RPL7: variants seen among roughly 807,000 people sequenced by gnomAD.
RPL7 encodes the protein large ribosomal subunit protein uL30.
For synonymous variants in RPL7, 100 were observed against 102.2 expected, an observed-to-expected ratio of 0.98 and a Z score of 0.13; for missense variants, 205 against 301.9, an observed-to-expected ratio of 0.68 and a Z score of 2.38.
intron 5 of RPL7, 96 bp downstream of exon 5, chr8:73,291,456 A>C: frequency 1.0e-6 from 1 of 954,338 alleles, no homozygotes; most frequent in Non-Finnish European, 1.6e-6. Context: ...CATAGGGAAC[A>C]CATGAAGATT....
chr8:73,294,460 G>A (rs1814203203), upstream of RPL7: 1 of 153,542 alleles, frequency 6.5e-6, no homozygotes, highest in Admixed American at 6.5e-5. Context: ...CGGCTCCGCG[G>A]ACGGCTGGCG....
chr8:73,293,329 C>T (rs1814157338), intron 1 of RPL7: 1 of 487,082 alleles, frequency 2.1e-6, no homozygotes, highest in East Asian at 3.8e-5. Context: ...CCGAAAGACC[C>T]TCTACCGAGG....
chr8:73,293,079 A>C (rs545931404), intron 1 of RPL7: 20 of 328,752 alleles, frequency 6.1e-5, no homozygotes, highest in African/African-American at 4.2e-4. Flanking sequence ...AATTAAAAAA[A>C]AAAACAAAAA....
intron 2 of RPL7, 119 bp from the exon 3 acceptor site, chr8:73,292,524 T>C: frequency 9.0e-7 from 1 of 1,111,518 alleles, no homozygotes; most frequent in South Asian, 1.5e-5. Context: ...CAGTATGCAA[T>C]TACATCCCCC....
At chr8:73,293,424 G>C (rs1452177708) in intron 1 of RPL7, 175 bp downstream of exon 1, 7 of 739,744 alleles carry the variant, frequency 9.5e-6, no homozygotes, top group Non-Finnish European at 1.6e-5. Flanking sequence ...TCCGTCCTAA[G>C]ACCGCCCGCA....
chr8:73,292,568 T>G, intron 2 of RPL7, 121 bp downstream of exon 2: 1 of 1,011,134 alleles, frequency 9.9e-7, no homozygotes, highest in Non-Finnish European at 1.5e-6. Flanking sequence ...GATTGTAACA[T>G]TAGGTAGCTA....
intron 1 of RPL7, 95 bp from the exon 2 acceptor site, chr8:73,292,892 G>A: frequency 3.5e-6 from 3 of 868,138 alleles, no homozygotes; most frequent in Non-Finnish European, 3.6e-6. Context: ...CAGAAATGCT[G>A]TCACTGACTT....
At chr8:73,293,735 G>A (rs1472128360), upstream of RPL7, 17 of 1,273,132 alleles carry the variant, frequency 1.3e-5, no homozygotes, top group Non-Finnish European at 1.7e-5. Context: ...GAACTAAAAA[G>A]CCGCCTTGCA....
chr8:73,291,747 G>T, intron 4 of RPL7, 26 bp downstream of exon 4: 1 of 1,593,914 alleles, frequency 6.3e-7, no homozygotes, highest in Admixed American at 1.7e-5. Flanking sequence ...TTATCAAATA[G>T]AAATCAAAGG....
Position 73,292,418 on chromosome 8 carries a change from A to T in RPL7, c.124-13T>A, listed in dbSNP as rs2070764. On this transcript the variant is annotated splice_polypyrimidine_tract_variant and intron_variant, in intron 2 of 6. Coordinates refer to ENST00000352983, the MANE Select transcript of RPL7 (RefSeq NM_000971.4). ...TTGCCTTTCGAAGCTGAAAACCAAT[A>T]ATCAGTTATTCATAATTTTTAGCTC... is the stretch of plus-strand genomic sequence containing the variant. The T allele has an allele frequency of 0.39, 612,415 of 1,586,164 alleles. 121,299 individuals carry two copies. Among genetic ancestry groups the T allele is most frequent in the South Asian group, 0.54 (48,185 of 88,870 alleles).
intron 1 of RPL7, 125 bp from the exon 2 acceptor site, chr8:73,292,922 T>C: frequency 1.5e-6 from 1 of 655,902 alleles, no homozygotes; most frequent in South Asian, 2.0e-5. Context: ...GTAACTTTAC[T>C]TGCTCTGGCA....
intron 6 of RPL7, 31 bp downstream of exon 6, chr8:73,291,012 A>C (rs765972984): frequency 6.6e-7 from 1 of 1,516,992 alleles, no homozygotes. Context: ...TCTAACATTA[A>C]CTCAACCTTT....
chr8:73,292,044 A>G (rs1041605062), intron 3 of RPL7, 134 bp from the exon 4 acceptor site: 15 of 1,293,070 alleles, frequency 1.2e-5, no homozygotes, highest in Non-Finnish European at 1.5e-5. Flanking sequence ...GAATTTCTGT[A>G]TTCTATTAAG....
At chr8:73,291,964 A>C (rs1398364415) in intron 3 of RPL7, 54 bp from the exon 4 acceptor site, 16 of 1,593,310 alleles carry the variant, frequency 1.0e-5, no homozygotes, top group Non-Finnish European at 1.3e-5. Context: ...ATTTTTATTA[A>C]TACTAACCAT....
chr8:73,291,256 A>T lies in RPL7; in HGVS notation c.539-4T>A. 3.1e-6 allele frequency: 5 copies of T among 1,602,888 alleles called. No individual in the cohort carries two copies. Among genetic ancestry groups the T allele is most frequent in the Non-Finnish European group, 4.3e-6 (5 of 1,174,480 alleles). On this transcript the variant is annotated splice_region_variant and splice_polypyrimidine_tract_variant and intron_variant, in intron 5 of 6. Transcript: ENST00000352983. ...ATGCAGATGATGCCGTATTTACCTA[A>T]ATATTTTAAGGTTATTTAAGATTAT...
rs572046212 is a variant in RPL7, at chr8:73,292,950, C to G, written c.15-153G>C. 1.9e-4 allele frequency: 98 copies of G among 529,188 alleles called. No individual in the cohort carries two copies. In the South Asian group the frequency reaches 3.0e-3, roughly 16 times the overall value. The allele number at this position is 529,188 out of a possible 1,614,324, so 32.8% of individuals were successfully genotyped here. ...CTCTGGCATGCTACAGTGTACGATG[C>G]ATATTTTAGCTCCATGTCAATAACC... is the stretch of plus-strand genomic sequence containing the variant. On this transcript the variant is annotated intron_variant, in intron 1 of 6. Coordinates refer to ENST00000352983, the MANE Select transcript of RPL7 (RefSeq NM_000971.4).
upstream of RPL7, chr8:73,294,427 C>G (rs750324181): frequency 6.7e-6 from 1 of 149,116 alleles, no homozygotes; most frequent in Non-Finnish European, 1.5e-5. Context: ...CGGCCACGGC[C>G]GTGTGAGAGG....
Position 73,291,814 on chromosome 8 carries a change from C to G in RPL7, c.387G>C (p.Ser129=), listed in dbSNP as rs148491384. 3.1e-6 allele frequency: 5 copies of G among 1,611,400 alleles called. No individual in the cohort carries two copies. In the African/African-American group the frequency reaches 4.0e-5, roughly 13 times the overall value. The change falls in exon 4 of 7, where the codon TCG becomes TCC. Residue 129 remains serine, a synonymous_variant. Transcript: ENST00000352983. ...GCTCTACAATCCTCAGCATGTTAATCGAAGCCTTGTTGAGCTTCACAAAGG... is the reference window on the plus strand; with the variant it reads ...GCTCTACAATCCTCAGCATGTTAATGGAAGCCTTGTTGAGCTTCACAAAGG... ...NGTFVKLNKA[S]INMLRIVEPY...
At position 73,291,333 on chromosome 8, in the gene RPL7, T is replaced by C; in HGVS notation, c.539-81A>G. On this transcript the variant is annotated intron_variant, in intron 5 of 6. Transcript: ENST00000352983. The stretch of plus-strand genomic sequence containing the variant: ...TTATTCAAAATCTTTTTGAATAGGC[T>C]GTGAGATGAAAACATAACCAGGAAT... 5 of 1,171,662 alleles carry C rather than the reference T, an allele frequency of 4.3e-6. No individual in the cohort carries two copies. The South Asian group carries it at 7.3e-5, about 17-fold the overall frequency. The allele number at this position is 1,171,662 out of a possible 1,614,324, so 72.6% of individuals were successfully genotyped here.
Sources: allele counts gnomAD v4.1 joint callset, GRCh38; gene constraint gnomAD v4.1.1; transcripts MANE v1.5; gene names NCBI Gene and HGNC (gene_info 2026-07-23, HGNC 2026-07-21).